NR3C2: variants seen among roughly 807,000 people sequenced by gnomAD.
NR3C2 encodes nuclear receptor subfamily 3 group C member 2, also known as mineralocorticoid receptor.
A neutral mutation model predicts 86.4 loss-of-function variants in NR3C2; 15 were observed. That is an observed-to-expected ratio of 0.17 (90% CI 0.12 to 0.27). The LOEUF is 0.27. Among genes scored for constraint, NR3C2 ranks in the 10% least tolerant of loss-of-function variants. The pLI is 1.00. For missense variants in NR3C2, 960 were observed against 1,195.6 expected (o/e 0.80, Z 2.91); for synonymous variants, 458 against 450.5 (o/e 1.02, Z -0.21).
At chr4:148,200,816 T>G (rs575365603) in intron 3 of NR3C2, among the ~76,000 whole-genome samples, 8 of 152,352 alleles carry the variant, frequency 5.3e-5, no homozygotes, top group Admixed American at 3.9e-4. Flanking sequence ...TATTATCATG[T>G]ACTACTGCAT....
At chr4:148,319,485 G>A (rs571963027) in intron 2 of NR3C2, among the ~76,000 whole-genome samples, 6,522 of 150,390 alleles carry the variant, frequency 0.043, 455 homozygotes, top group African/African-American at 0.15. Context: ...CCATTTTCAC[G>A]ATATTGATTC....
At chr4:148,331,513 T>G (rs997202321) in intron 2 of NR3C2, among the ~76,000 whole-genome samples, 6 of 152,236 alleles carry the variant, frequency 3.9e-5, no homozygotes, top group Non-Finnish European at 8.8e-5. Context: ...ATCAGAGGTA[T>G]TCCCAGGATG....
Position 148,436,364 on chromosome 4 carries a change from G to C in NR3C2, c.497C>G (p.Ser166Cys). The C allele has an allele frequency of 3.1e-6, 5 of 1,614,218 alleles. No individual in the cohort carries two copies. The highest frequency in any genetic ancestry group is 4.2e-6 in the Non-Finnish European group (5 of 1,180,046). ...ACCATTCACGGAGCTCCCAGAGTCAGACATAAATGATCTCAAGGGCGTGTT... is the reference window on the plus strand; with the variant it reads ...ACCATTCACGGAGCTCCCAGAGTCACACATAAATGATCTCAAGGGCGTGTT... ...CVNTPLRSFM[S>C]DSGSSVNGGV... The change falls in exon 2 of 9, where the codon TCT becomes TGT. Residue 166 changes from serine (S) to cysteine (C), a missense_variant. Ser to Cys is a moderately radical substitution (Grantham distance 112). Coordinates refer to ENST00000358102, the MANE Select transcript of NR3C2 (RefSeq NM_000901.5).
chr4:148,182,901 T>G (rs1158929306), intron 4 of NR3C2, among the ~76,000 whole-genome samples: 3 of 152,228 alleles, frequency 2.0e-5, no homozygotes, highest in Non-Finnish European at 4.4e-5. Context: ...ATATGTGTCA[T>G]GTTGGTTTGC....
chr4:148,235,207 G>A (rs1579049362), intron 3 of NR3C2, among the ~76,000 whole-genome samples: 1 of 150,530 alleles, frequency 6.6e-6, no homozygotes, highest in Non-Finnish European at 1.5e-5. Flanking sequence ...TGATACTAAG[G>A]AAATTTTTGA....
At chr4:148,424,338 G>A (rs1749426746) in intron 2 of NR3C2, among the ~76,000 whole-genome samples, 1 of 152,074 alleles carries the variant, frequency 6.6e-6, no homozygotes, top group African/African-American at 2.4e-5. Flanking sequence ...ACTGCTGATG[G>A]GAATATTAAA....
At chr4:148,100,060 G>T (rs1008485374) in intron 8 of NR3C2, among the ~76,000 whole-genome samples, 17 of 152,144 alleles carry the variant, frequency 1.1e-4, no homozygotes, top group Admixed American at 9.8e-4. Flanking sequence ...GTGAACACAG[G>T]CACATGTTCT....
intron 4 of NR3C2, among the ~76,000 whole-genome samples, chr4:148,181,002 C>T (rs1210465212): frequency 6.6e-6 from 1 of 152,114 alleles, no homozygotes; most frequent in Non-Finnish European, 1.5e-5. Flanking sequence ...CTTCCTGTGT[C>T]TTAGATCCTT....
In NR3C2 at chr4:148,376,463, T is replaced by C. The variant is rs72656869; in HGVS notation, c.1757+58641A>G. On this transcript the variant is annotated intron_variant, in intron 2 of 8. Coordinates refer to ENST00000358102, the MANE Select transcript of NR3C2 (RefSeq NM_000901.5). The stretch of plus-strand genomic sequence containing the variant: ...AGAAGGAATGTAGCCCCACATGCAA[T>C]AGACCCTTTCCTTTTTACATTTCTC... 6.6e-4 allele frequency among the ~76,000 whole-genome samples: 101 copies of C among 152,298 alleles called. 2 individuals are homozygous for C. The East Asian group carries it at 0.016, about 24-fold the overall frequency.
chr4:148,227,213 A>G (rs954545154), intron 3 of NR3C2, among the ~76,000 whole-genome samples: 1 of 152,124 alleles, frequency 6.6e-6, no homozygotes, highest in African/African-American at 2.4e-5. Flanking sequence ...TGACCTTGAC[A>G]CTTTTGAAAA....
intron 2 of NR3C2, among the ~76,000 whole-genome samples, chr4:148,268,410 A>C (rs903912040): frequency 1.3e-5 from 2 of 152,212 alleles, no homozygotes; most frequent in African/African-American, 2.4e-5. Context: ...CATCCTCTCA[A>C]GCCATGATTC....
In NR3C2 at chr4:148,249,415, T is replaced by C. The variant is rs184603750; in HGVS notation, c.1897+10563A>G. Among the ~76,000 whole-genome samples, 11 of 152,330 alleles carry C rather than the reference T, an allele frequency of 7.2e-5. No individual in the cohort carries two copies. In the East Asian group the frequency reaches 2.1e-3, roughly 29 times the overall value. ...TAAGTATGAATTTATATCAGACTTA[T>C]CAAAAATCTCATACCATCTACTTTT... On this transcript the variant is annotated intron_variant, in intron 3 of 8. Transcript: ENST00000358102.
intron 7 of NR3C2, among the ~76,000 whole-genome samples, chr4:148,119,514 C>A (rs1732416181): frequency 1.3e-5 from 2 of 152,316 alleles, no homozygotes; most frequent in South Asian, 2.1e-4. Flanking sequence ...ATATCTTTGG[C>A]CAGGCGTGGT....
chr4:148,290,960 TTATC>T (rs1163557951), intron 2 of NR3C2, among the ~76,000 whole-genome samples: 2 of 152,290 alleles, frequency 1.3e-5, no homozygotes, highest in African/African-American at 4.8e-5. Flanking sequence ...AACAAATTAA[TTATC>T]TGTTATCTAT....
chr4:148,342,434 T>C (rs1046640768), intron 2 of NR3C2, among the ~76,000 whole-genome samples: 8 of 152,202 alleles, frequency 5.3e-5, no homozygotes, highest in African/African-American at 9.6e-5. Flanking sequence ...CTGATAAGAA[T>C]TGGTTCAAGA....
At chr4:148,215,780 G>GTTTT (rs35315376) in intron 3 of NR3C2, among the ~76,000 whole-genome samples, 23 of 134,450 alleles carry the variant, frequency 1.7e-4, no homozygotes, top group African/African-American at 4.0e-4. Context: ...TTGAGGCATA[G>GTTTT]TTTTTTTTTT....
chr4:148,398,413 T>C (rs17484873), intron 2 of NR3C2, among the ~76,000 whole-genome samples: 16,168 of 152,210 alleles, frequency 0.11, 911 homozygotes, highest in Middle Eastern at 0.12. Flanking sequence ...AGTGTACCCT[T>C]AAAGTATCCA....
chr4:148,393,422 T>G (rs1048628059), intron 2 of NR3C2, among the ~76,000 whole-genome samples: 1 of 152,108 alleles, frequency 6.6e-6, no homozygotes, highest in Non-Finnish European at 1.5e-5. Flanking sequence ...AAATGTGCCA[T>G]TTTAAAAGCT....
intron 2 of NR3C2, among the ~76,000 whole-genome samples, chr4:148,379,540 G>C (rs1746856114): frequency 6.6e-6 from 1 of 152,154 alleles, no homozygotes; most frequent in African/African-American, 2.4e-5. Flanking sequence ...GATTTCCTAA[G>C]CTGAATTTCC....
Sources: gnomAD v4.1 joint callset for allele counts (sites outside exome capture counted in the v4.1 genomes callset) on GRCh38, gnomAD v4.1.1 for gene constraint, MANE v1.5 for transcripts, NCBI Gene and HGNC (gene_info 2026-07-23, HGNC 2026-07-21) for gene names.